WDR20: variants seen among roughly 807,000 people sequenced by gnomAD.
WDR20 encodes the protein WD repeat-containing protein 20.
A neutral mutation model predicts 38.7 loss-of-function variants in WDR20; 3 were observed. The observed-to-expected ratio is 0.08, with a 90% CI of 0.04 to 0.20. WDR20 has a LOEUF of 0.20. Among genes scored for constraint, WDR20 ranks in the 10% least tolerant of loss-of-function variants. The probability of loss-of-function intolerance (pLI) is 1.00; values close to 1 mark genes in which losing one functional copy is unlikely to be tolerated. For synonymous variants in WDR20, 298 were observed against 285.6 expected (o/e 1.04, Z -0.44); for missense variants, 559 against 727.7 (o/e 0.77, Z 2.67).
intron 1 of WDR20, among the ~76,000 whole-genome samples, chr14:102,156,311 G>A (rs1243249714): frequency 4.6e-5 from 7 of 151,598 alleles, no homozygotes; most frequent in African/African-American, 1.7e-4. Flanking sequence ...GGGACTACAG[G>A]CACCCACCCC....
At chr14:102,212,938 T>A (rs2153034797), downstream of WDR20, 1 of 1,061,026 alleles carries the variant, frequency 9.4e-7, no homozygotes, top group African/African-American at 1.6e-5. Flanking sequence ...AGCATCACTG[T>A]TCCAGCGTGT....
chr14:102,172,931 C>T (rs1014387945), intron 1 of WDR20, among the ~76,000 whole-genome samples: 43 of 147,806 alleles, frequency 2.9e-4, no homozygotes, highest in African/African-American at 9.7e-4. Flanking sequence ...ACCTCCCAGA[C>T]GGGGTCGCGA....
chr14:102,224,153 C>T (rs561359506), downstream of WDR20, among the ~76,000 whole-genome samples: 3,491 of 151,350 alleles, frequency 0.023, 53 homozygotes, highest in Non-Finnish European at 0.039. Flanking sequence ...GCCATTCTCC[C>T]GCCTCAGCCT....
intron 1 of WDR20, among the ~76,000 whole-genome samples, chr14:102,171,171 C>T (rs997036764): frequency 1.3e-5 from 2 of 149,868 alleles, no homozygotes; most frequent in Non-Finnish European, 3.0e-5. Flanking sequence ...AGGCTGGTCT[C>T]AAACTCCTGA....
chr14:102,174,824 T>G (rs2061714662), intron 1 of WDR20, among the ~76,000 whole-genome samples: 2 of 152,236 alleles, frequency 1.3e-5, no homozygotes, highest in Non-Finnish European at 2.9e-5. Flanking sequence ...CATTTTTTCA[T>G]ATGTTTACTG....
intron 1 of WDR20, among the ~76,000 whole-genome samples, chr14:102,173,304 A>G: frequency 6.8e-6 from 1 of 147,442 alleles, no homozygotes; most frequent in Non-Finnish European, 1.5e-5. Flanking sequence ...AGTAGAGATG[A>G]GGTCTCACCA....
At chr14:102,187,319 A>AT in intron 1 of WDR20, among the ~76,000 whole-genome samples, 1 of 152,274 alleles carries the variant, frequency 6.6e-6, no homozygotes, top group Admixed American at 6.5e-5. Context: ...TTCACAATAT[A>AT]TGGAACATAG....
At chr14:102,167,697 C>T (rs912613715) in intron 1 of WDR20, 42 of 152,180 alleles carry the variant, frequency 2.8e-4, no homozygotes, top group African/African-American at 6.0e-4. Context: ...TCTACCAAGT[C>T]GCCTCTCTAA....
Position 102,209,828 on chromosome 14 carries a change from G to A in WDR20, c.1658G>A (p.Gly553Glu). 8 of 1,613,556 alleles carry A rather than the reference G, an allele frequency of 5.0e-6. No homozygotes were observed. Among genetic ancestry groups the A allele is most frequent in the Non-Finnish European group, 6.8e-6 (8 of 1,179,810 alleles). The part of the protein sequence containing the change: ...EDCIVTACQE[G>E]FICTWGRPGK... ...TGTATAGTCACTGCTTGTCAGGAGGGATTTATTTGCACATGGGGAAGGCCT... is the reference window on the plus strand; with the variant it reads ...TGTATAGTCACTGCTTGTCAGGAGGAATTTATTTGCACATGGGGAAGGCCT... Residue 553 changes from glycine to glutamate, a missense_variant, in exon 3 of 3, where the codon GGA becomes GAA. Coordinates refer to ENST00000342702, the MANE Select transcript of WDR20 (RefSeq NM_144574.4). This position sits in a 1 kb window ranked among gnomAD's most constrained non-coding sequence, Gnocchi z 6.0.
intron 1 of WDR20, among the ~76,000 whole-genome samples, chr14:102,165,717 G>T (rs956000218): frequency 6.7e-6 from 1 of 148,794 alleles, no homozygotes; most frequent in African/African-American, 2.5e-5. Flanking sequence ...ACTGTCTGCA[G>T]CCTTGACCTC....
At position 102,163,627 on chromosome 14, in the gene WDR20, CA is replaced by C. The variant is rs58628061; in HGVS notation, c.249+23478del. Among the ~76,000 whole-genome samples the C allele has an allele frequency of 5.0e-3, 312 of 62,796 alleles. 1 individual carries two copies. The highest frequency in any genetic ancestry group is 0.023 in the African/African-American group (297 of 12,656). The allele number at this position is 62,796 out of a possible 152,430, so 41.2% of individuals were successfully genotyped here. On this transcript the variant is annotated intron_variant, in intron 1 of 2. Transcript: ENST00000342702. The stretch of plus-strand genomic sequence containing the variant: ...TGGGTGACAGAGCAAGACTCTGTCT[CA>C]AAAAAAAAAAAAAAAAAAAAAATTA...
chr14:102,202,328 A>G (rs1596810572), intron 2 of WDR20, among the ~76,000 whole-genome samples: 1 of 128,088 alleles, frequency 7.8e-6, no homozygotes, highest in Admixed American at 7.9e-5. Context: ...TTGCTTGGAT[A>G]TTCCTTCTGC....
chr14:102,145,582 C>G (rs1566782699), intron 1 of WDR20, among the ~76,000 whole-genome samples: 1 of 152,004 alleles, frequency 6.6e-6, no homozygotes, highest in East Asian at 1.9e-4. Context: ...CGTGTGGGTT[C>G]GAGACCAGCC....
At chr14:102,215,276 C>T (rs537482285), downstream of WDR20, among the ~76,000 whole-genome samples, 4 of 152,284 alleles carry the variant, frequency 2.6e-5, no homozygotes, top group South Asian at 2.1e-4. Context: ...ATTGGCGTTT[C>T]GGCTGAGCTG....
chr14:102,209,185 C>T lies in WDR20; in HGVS notation c.1015C>T (p.His339Tyr), dbSNP rs752238625. The change falls in exon 3 of 3, where the codon CAT (histidine) becomes TAT (tyrosine). Residue 339 changes from histidine to tyrosine, a missense_variant. Transcript: ENST00000342702. The surrounding 1 kb of genome is among the most constrained non-coding windows in gnomAD (Gnocchi z 6.0). ...CGATGAGGACTTCCAAGACCTTCTT[C>T]ATTTTGGCAGAGATCGAGCAAATAG... ...GSDEDFQDLL[H>Y]FGRDRANSTQ... 6.2e-7 allele frequency: 1 copy of T among 1,614,178 alleles called. No individual in the cohort carries two copies. The highest frequency in any genetic ancestry group is 8.5e-7 in the Non-Finnish European group (1 of 1,180,036).
At chr14:102,168,169 A>T (rs188962064) in intron 1 of WDR20, among the ~76,000 whole-genome samples, 1 of 152,332 alleles carries the variant, frequency 6.6e-6, no homozygotes, top group Admixed American at 6.5e-5. Flanking sequence ...AGGTACAGGC[A>T]TGAAAGAAAG....
At chr14:102,159,019 C>T (rs1013173674) in intron 1 of WDR20, among the ~76,000 whole-genome samples, 5 of 151,864 alleles carry the variant, frequency 3.3e-5, no homozygotes, top group South Asian at 2.1e-4. Flanking sequence ...CAAAGCTCAC[C>T]GCAACCTTTA....
intron 1 of WDR20, among the ~76,000 whole-genome samples, chr14:102,187,387 T>C (rs1022840441): frequency 6.7e-6 from 1 of 149,710 alleles, no homozygotes; most frequent in African/African-American, 2.6e-5. Context: ...TGAAGGGGTC[T>C]GGAAGAATGT....
rs951886419 is a variant in WDR20, at chr14:102,173,517, G to T, written c.250-21421G>T. ...GGTTTTTGGGGAACAGGAGGTATTT[G>T]GTTACATGGATAAATTCTTCAGTGG... is the stretch of plus-strand genomic sequence containing the variant. On this transcript the variant is annotated intron_variant, in intron 1 of 2. Transcript: ENST00000342702. Among the ~76,000 whole-genome samples, 3 of 149,384 alleles carry T rather than the reference G, an allele frequency of 2.0e-5. No homozygotes were observed. The Admixed American group carries it at 2.0e-4, about 10-fold the overall frequency.
Sources: allele counts gnomAD v4.1 joint callset (sites outside exome capture counted in the v4.1 genomes callset), GRCh38; gene constraint gnomAD v4.1.1; non-coding constraint Gnocchi (gnomAD v3.1); transcripts MANE v1.5; gene names NCBI Gene and HGNC (gene_info 2026-07-23, HGNC 2026-07-21).